RUNDC3B: variants seen among roughly 807,000 people sequenced by gnomAD.
RUNDC3B encodes RUN domain containing 3B.
In RUNDC3B, 33 loss-of-function variants were observed where a neutral mutation model predicts 58.4. The observed-to-expected ratio is 0.56, with a 90% CI of 0.43 to 0.75. The LOEUF (loss-of-function observed/expected upper bound fraction) is 0.75. Ranked by LOEUF, RUNDC3B falls within the 30% of genes least tolerant of loss-of-function variation. The pLI is 0.00. For synonymous variants in RUNDC3B, 193 were observed against 195.2 expected (o/e 0.99, Z 0.10); for missense variants, 501 against 535.7 (o/e 0.94, Z 0.64).
intron 8 of RUNDC3B, among the ~76,000 whole-genome samples, chr7:87,783,917 G>A (rs1835074259): frequency 6.6e-6 from 1 of 151,954 alleles, no homozygotes; most frequent in African/African-American, 2.4e-5. Context: ...ACCCTTTTCT[G>A]TAGCTACCTT....
intron 2 of RUNDC3B, among the ~76,000 whole-genome samples, chr7:87,688,223 A>G (rs561557119): frequency 6.6e-6 from 1 of 152,136 alleles, no homozygotes; most frequent in Non-Finnish European, 1.5e-5. Context: ...ATCCGGGGTT[A>G]TGTATACCTT....
At chr7:87,760,726 T>TA (rs1351964676) in intron 6 of RUNDC3B, among the ~76,000 whole-genome samples, 2 of 152,044 alleles carry the variant, frequency 1.3e-5, no homozygotes, top group African/African-American at 4.8e-5. Context: ...ATTCAATGGA[T>TA]AAAGAATAGT....
chr7:87,775,683 AT>A, intron 7 of RUNDC3B, among the ~76,000 whole-genome samples: 1 of 152,132 alleles, frequency 6.6e-6, no homozygotes, highest in East Asian at 1.9e-4. Context: ...TTTAAAAAAA[AT>A]CTTTTATACC....
chr7:87,811,751 C>A (rs1466432518), intron 9 of RUNDC3B, among the ~76,000 whole-genome samples: 2 of 152,160 alleles, frequency 1.3e-5, no homozygotes, highest in Non-Finnish European at 2.9e-5. Context: ...CTGCAGAAAT[C>A]TTTTACAACT....
intron 9 of RUNDC3B, among the ~76,000 whole-genome samples, chr7:87,813,142 C>G (rs1836815133): frequency 1.3e-5 from 2 of 152,322 alleles, no homozygotes; most frequent in African/African-American, 4.8e-5. Context: ...AGAACATCAT[C>G]TACCAAATTC....
chr7:87,693,544 G>A (rs1332000960), intron 2 of RUNDC3B, among the ~76,000 whole-genome samples: 2 of 152,030 alleles, frequency 1.3e-5, no homozygotes, highest in African/African-American at 4.8e-5. Context: ...GAGGTGCATC[G>A]CCAGCAAGTT....
At position 87,732,053 on chromosome 7, in the gene RUNDC3B, A is replaced by G. The variant is rs181943214; in HGVS notation, c.459-7738A>G. ...AAAATTCCAAAATTATTGAAACTAT[A>G]TTAAATAACTTTTCTGACTACAAGG... On this transcript the variant is annotated intron_variant, in intron 4 of 10. Transcript: ENST00000394654. Among the ~76,000 whole-genome samples, 520 of 152,308 alleles carry G rather than the reference A, an allele frequency of 3.4e-3. 5 individuals carry two copies. The highest frequency in any genetic ancestry group is 0.012 in the African/African-American group (501 of 41,568).
At chr7:87,758,130 G>A (rs1015350813) in intron 6 of RUNDC3B, among the ~76,000 whole-genome samples, 1 of 152,100 alleles carries the variant, frequency 6.6e-6, no homozygotes, top group Non-Finnish European at 1.5e-5. Context: ...ACCAGCCTAG[G>A]CAACACAGTG....
At chr7:87,767,784 G>A (rs1834051592) in intron 6 of RUNDC3B, among the ~76,000 whole-genome samples, 1 of 152,126 alleles carries the variant, frequency 6.6e-6, no homozygotes, top group African/African-American at 2.4e-5. Context: ...GAGTTGAGAG[G>A]ACTGCATCAG....
intron 1 of RUNDC3B, among the ~76,000 whole-genome samples, chr7:87,632,682 A>G (rs1259904055): frequency 6.6e-6 from 1 of 152,162 alleles, no homozygotes; most frequent in Non-Finnish European, 1.5e-5. Context: ...TTATCCATAG[A>G]TAATCAGATA....
intron 2 of RUNDC3B, among the ~76,000 whole-genome samples, chr7:87,667,972 T>C (rs1825434314): frequency 6.6e-6 from 1 of 152,116 alleles, no homozygotes; most frequent in Admixed American, 6.6e-5. Flanking sequence ...TCTTCCAGGT[T>C]TGGGTATTAA....
intron 6 of RUNDC3B, among the ~76,000 whole-genome samples, chr7:87,770,152 C>A (rs1441500161): frequency 1.3e-5 from 2 of 152,068 alleles, no homozygotes; most frequent in African/African-American, 4.8e-5. Context: ...TTATACCCCA[C>A]TGTTATTAGC....
chr7:87,756,069 GA>G (rs1044361014), intron 6 of RUNDC3B, among the ~76,000 whole-genome samples: 1 of 152,092 alleles, frequency 6.6e-6, no homozygotes, highest in African/African-American at 2.4e-5. Flanking sequence ...GGCAGGGCAG[GA>G]TTATAACTTG....
chr7:87,685,128 A>T (rs918353791), intron 2 of RUNDC3B, among the ~76,000 whole-genome samples: 1 of 152,202 alleles, frequency 6.6e-6, no homozygotes, highest in African/African-American at 2.4e-5. Context: ...ACTCCCTGAA[A>T]GACACTGTTA....
At chr7:87,812,200 T>C (rs998737277) in intron 9 of RUNDC3B, among the ~76,000 whole-genome samples, 11 of 152,230 alleles carry the variant, frequency 7.2e-5, no homozygotes, top group Admixed American at 4.6e-4. Context: ...TGATATCCAA[T>C]CTCATGTATA....
intron 2 of RUNDC3B, among the ~76,000 whole-genome samples, chr7:87,692,412 G>A (rs1014186759): frequency 4.6e-5 from 7 of 152,178 alleles, no homozygotes; most frequent in Non-Finnish European, 1.0e-4. Flanking sequence ...AGCTATGAAT[G>A]CATCACTGAG....
chr7:87,717,699 C>CTCAAAA (rs1830641381), intron 4 of RUNDC3B, among the ~76,000 whole-genome samples: 1 of 151,966 alleles, frequency 6.6e-6, no homozygotes, highest in South Asian at 2.1e-4. Context: ...AAGACACTTC[C>CTCAAAA]TCAAAATCAA....
At chr7:87,725,649 C>G (rs1277033813) in intron 4 of RUNDC3B, among the ~76,000 whole-genome samples, 5 of 152,148 alleles carry the variant, frequency 3.3e-5, no homozygotes, top group Non-Finnish European at 2.9e-5. Flanking sequence ...AGTTCTAGAT[C>G]CTTGAGGAAT....
chr7:87,652,620 TG>T (rs1172151263), intron 2 of RUNDC3B, among the ~76,000 whole-genome samples: 37 of 104,134 alleles, frequency 3.6e-4, no homozygotes, highest in Non-Finnish European at 4.9e-4. Flanking sequence ...TTGTGGTCAC[TG>T]ATATATATAT....
Sources: allele counts gnomAD v4.1 joint callset (sites outside exome capture counted in the v4.1 genomes callset), GRCh38; gene constraint gnomAD v4.1.1; transcripts MANE v1.5; gene names NCBI Gene and HGNC (gene_info 2026-07-23, HGNC 2026-07-21).